Variants in MTCL1 observed in about 807,000 individuals in gnomAD.
MTCL1 encodes microtubule cross-linking factor 1.
A neutral mutation model predicts 141.4 loss-of-function variants in MTCL1; 79 were observed. The ratio of observed to expected loss-of-function variants is 0.56; its 90% CI spans 0.47 to 0.67. The LOEUF (loss-of-function observed/expected upper bound fraction) is 0.67. MTCL1 is among the 30% of genes least tolerant of loss of function. MTCL1 has a pLI of 0.00. For synonymous variants in MTCL1, 914 were observed against 875.8 expected (o/e 1.04, Z -0.77); for missense variants, 2,177 against 2,113.9 (o/e 1.03, Z -0.59).
At chr18:8,776,765 ATTTATTTT>A (rs949184328) in intron 4 of MTCL1, among the ~76,000 whole-genome samples, 13 of 133,632 alleles carry the variant, frequency 9.7e-5, no homozygotes, top group Non-Finnish European at 1.4e-4. Context: ...TTATTTATTT[ATTTATTTT>A]GAGACAAGGT....
exon 8 of MTCL1, chr18:8,793,004 G>A: frequency 1.2e-6 from 2 of 1,613,866 alleles, no homozygotes; most frequent in Non-Finnish European, 1.7e-6. Context: ...TCAGCTCAGG[G>A]GCCCCCCCGT....
chr18:8,825,283 A>T (rs753983740), exon 15 of MTCL1: 1 of 1,559,798 alleles, frequency 6.4e-7, no homozygotes, highest in South Asian at 1.2e-5. Flanking sequence ...CGCCCCCTTG[A>T]TAGTCCCCTC....
At chr18:8,795,521 A>G (rs538821873) in intron 8 of MTCL1, among the ~76,000 whole-genome samples, 2 of 152,338 alleles carry the variant, frequency 1.3e-5, no homozygotes, top group South Asian at 4.1e-4. Context: ...AAAAGTGTCT[A>G]TACCGGGGGT....
intron 7 of MTCL1, chr18:8,786,358 G>A (rs1464984668): frequency 1.5e-6 from 1 of 670,662 alleles, no homozygotes; most frequent in Non-Finnish European, 2.7e-6. Flanking sequence ...CGCAGACCGG[G>A]AGCACCTGGA....
exon 9 of MTCL1, chr18:8,796,313 C>A: frequency 3.1e-6 from 5 of 1,614,162 alleles, no homozygotes; most frequent in Non-Finnish European, 3.4e-6. Context: ...CCTCCATGAG[C>A]GAACCTGGAG....
At chr18:8,749,689 A>C (rs2096360530) in intron 4 of MTCL1, among the ~76,000 whole-genome samples, 1 of 152,212 alleles carries the variant, frequency 6.6e-6, no homozygotes, top group African/African-American at 2.4e-5. Flanking sequence ...AAATACCTGT[A>C]AGCACAGTGC....
chr18:8,806,720 G>A (rs974409014), intron 10 of MTCL1, among the ~76,000 whole-genome samples, 173 bp from the exon 10 acceptor site: 2 of 152,038 alleles, frequency 1.3e-5, no homozygotes, highest in African/African-American at 4.8e-5. Context: ...CCAGCAACAG[G>A]GACCCTTTCT....
intron 10 of MTCL1, 125 bp from the exon 10 acceptor site, chr18:8,806,768 G>A: frequency 2.5e-6 from 2 of 788,352 alleles, no homozygotes; most frequent in South Asian, 3.4e-5. Flanking sequence ...CACCCACCCT[G>A]CACCCACTGC....
chr18:8,723,772 C>T (rs589952), intron 4 of MTCL1, among the ~76,000 whole-genome samples: 8,775 of 152,290 alleles, frequency 0.058, 707 homozygotes, highest in African/African-American at 0.17. Flanking sequence ...TAACCCTCTT[C>T]TCCCTTCTTC....
chr18:8,759,985 C>T (rs1411542179), intron 4 of MTCL1, among the ~76,000 whole-genome samples: 1 of 152,022 alleles, frequency 6.6e-6, no homozygotes, highest in Non-Finnish European at 1.5e-5. Context: ...CGGGGCTATG[C>T]TGTAAAGTAG....
intron 4 of MTCL1, among the ~76,000 whole-genome samples, chr18:8,728,637 T>C (rs2096231276): frequency 1.3e-5 from 2 of 152,034 alleles, no homozygotes; most frequent in Admixed American, 1.3e-4. Flanking sequence ...TGAAATTTTC[T>C]CTGAATTGTA....
rs144185289 is a variant in MTCL1 at position 8,768,453 on chromosome 18, T to G, written c.358-9380T>G. Among the ~76,000 whole-genome samples the G allele has an allele frequency of 1.9e-4, 29 of 152,334 alleles. No individual in the cohort carries two copies. The East Asian group carries it at 5.0e-3, about 26-fold the overall frequency. On this transcript the variant is annotated intron_variant, in intron 4 of 16. Coordinates refer to ENST00000359865, the Ensembl canonical transcript of MTCL1. ...TGTACTCTATAATTAGAATCATACT[T>G]AAAGTCAAATCAGAGGGTCTGTAGG...
At chr18:8,786,445 T>G in intron 7 of MTCL1, 10 of 457,158 alleles carry the variant, frequency 2.2e-5, no homozygotes, top group East Asian at 5.8e-5. Flanking sequence ...CAGCACGGGC[T>G]TCCCTGCTCT....
intron 4 of MTCL1, among the ~76,000 whole-genome samples, chr18:8,773,696 A>C (rs2143136598): frequency 6.6e-6 from 1 of 152,192 alleles, no homozygotes; most frequent in South Asian, 2.1e-4. Flanking sequence ...AATTCATCTA[A>C]GATTTATCTG....
At position 8,813,775 on chromosome 18, in the gene MTCL1, G is replaced by A. The variant is rs2076563448; in HGVS notation, c.2859+542G>A. 3.3e-5 allele frequency among the ~76,000 whole-genome samples: 5 copies of A among 152,168 alleles called. No homozygotes were observed. In the South Asian group the frequency reaches 1.0e-3, roughly 32 times the overall value. On this transcript the variant is annotated intron_variant, in intron 12 of 16. Transcript: ENST00000359865. Reference sequence around the variant, plus strand: ...GGACCATTGTCAAGAGAGGTAGCTGGTAGCTCATCATCTTCAGCTAAACAA... The same window carrying A: ...GGACCATTGTCAAGAGAGGTAGCTGATAGCTCATCATCTTCAGCTAAACAA...
chr18:8,774,690 G>A (rs2096498461), intron 4 of MTCL1, among the ~76,000 whole-genome samples: 1 of 152,186 alleles, frequency 6.6e-6, no homozygotes, highest in South Asian at 2.1e-4. Flanking sequence ...GTTTCACCGT[G>A]TTGGCCAGGC....
chr18:8,739,197 A>C (rs567424155), intron 4 of MTCL1, among the ~76,000 whole-genome samples: 139 of 152,274 alleles, frequency 9.1e-4, no homozygotes, highest in African/African-American at 3.2e-3. Context: ...GTGAGCTTTG[A>C]TGATACCACT....
intron 7 of MTCL1, among the ~76,000 whole-genome samples, chr18:8,787,505 A>G (rs778911417): frequency 5.9e-5 from 9 of 152,272 alleles, no homozygotes; most frequent in Admixed American, 1.3e-4. Context: ...ACGGCTCTGC[A>G]CTGACCCCTG....
Position 8,824,537 on chromosome 18 carries a change from TAA to T in MTCL1, c.3189-161_3189-160del, listed in dbSNP as rs201213145. 5.9e-5 allele frequency among the ~76,000 whole-genome samples: 9 copies of T among 152,222 alleles called. No homozygotes were observed. The East Asian group carries it at 1.7e-3, about 29-fold the overall frequency. ...CAGAGTCCAATAAATGCCCGCAGGG[TAA>T]GTCTGTGAGTGCAGCACATGAGCAG... On this transcript the variant is annotated intron_variant, in intron 14 of 16. Coordinates refer to ENST00000359865, the Ensembl canonical transcript of MTCL1.
Sources: allele counts gnomAD v4.1 joint callset (sites outside exome capture counted in the v4.1 genomes callset), GRCh38; gene constraint gnomAD v4.1.1; transcripts MANE v1.5; gene names NCBI Gene and HGNC (gene_info 2026-07-23, HGNC 2026-07-21).